The following ZFHX3 variants were observed in gnomAD, a reference collection of about 807,000 sequenced individuals.
The protein encoded by ZFHX3 is zinc finger homeobox protein 3.
ZFHX3 carries 42 observed loss-of-function variants against 279.1 expected under a neutral mutation model. That is an observed-to-expected ratio of 0.15 (90% confidence interval 0.12 to 0.19). ZFHX3 has a LOEUF of 0.19. Among genes scored for constraint, ZFHX3 ranks in the 10% least tolerant of loss-of-function variants. ZFHX3 has a pLI of 1.00. For synonymous variants in ZFHX3, 2,293 were observed against 1,957.8 expected (o/e 1.17, Z -4.52); for missense variants, 4,981 against 4,754.0 (o/e 1.05, Z -1.40).
intron 4 of ZFHX3, among the ~76,000 whole-genome samples, chr16:72,861,281 C>T (rs2037882521): frequency 6.6e-6 from 1 of 152,220 alleles, no homozygotes; most frequent in South Asian, 2.1e-4. Context: ...GGTATGAGAT[C>T]TTCCCACTAA....
chr16:73,221,497 T>C (rs1414196363), intron 5 of ZFHX3, among the ~76,000 whole-genome samples: 1 of 152,144 alleles, frequency 6.6e-6, no homozygotes, highest in African/African-American at 2.4e-5. Context: ...ACATATCACA[T>C]TGGGTACAGT....
intron 1 of ZFHX3, among the ~76,000 whole-genome samples, chr16:73,709,111 T>G (rs560803352): frequency 6.6e-6 from 1 of 152,278 alleles, no homozygotes; most frequent in South Asian, 2.1e-4. Flanking sequence ...GCAGCATTAT[T>G]CACAATGGCC....
intron 1 of ZFHX3, among the ~76,000 whole-genome samples, chr16:73,682,924 G>GAAAA (rs766109523): frequency 2.3e-5 from 1 of 43,474 alleles, no homozygotes; most frequent in African/African-American, 7.6e-5. Context: ...AAGAGAGAAA[G>GAAAA]AGAAAGAAAG....
chr16:73,849,937 T>C (rs1329245926), intron 1 of ZFHX3, among the ~76,000 whole-genome samples: 1 of 152,182 alleles, frequency 6.6e-6, no homozygotes, highest in Admixed American at 6.5e-5. Context: ...TTCACCATGT[T>C]GGTCAGGCTC....
intron 2 of ZFHX3, among the ~76,000 whole-genome samples, chr16:73,664,026 A>T (rs1422609739): frequency 6.6e-6 from 1 of 152,214 alleles, no homozygotes; most frequent in Admixed American, 6.5e-5. Context: ...CTCTAGATAG[A>T]CAAATTGTTT....
chr16:72,858,170 A>C (rs1374774585), intron 4 of ZFHX3, among the ~76,000 whole-genome samples: 1 of 152,210 alleles, frequency 6.6e-6, no homozygotes, highest in Non-Finnish European at 1.5e-5. Flanking sequence ...AACACCTCTC[A>C]CCACAAGCAG....
chr16:73,670,516 T>A (rs552114228), intron 2 of ZFHX3, among the ~76,000 whole-genome samples: 14 of 152,346 alleles, frequency 9.2e-5, no homozygotes, highest in African/African-American at 3.4e-4. Flanking sequence ...TTAATCTTTT[T>A]GTCTTTAGCG....
intron 5 of ZFHX3, among the ~76,000 whole-genome samples, chr16:73,244,640 C>T (rs1357209577): frequency 6.6e-6 from 1 of 152,196 alleles, no homozygotes; most frequent in Non-Finnish European, 1.5e-5. Flanking sequence ...GCCATACCAG[C>T]CCCATGTCCA....
At chr16:73,540,311 T>C (rs1437374335) in intron 2 of ZFHX3, among the ~76,000 whole-genome samples, 1 of 152,228 alleles carries the variant, frequency 6.6e-6, no homozygotes, top group Non-Finnish European at 1.5e-5. Context: ...GTGAAACTCT[T>C]TTTTTGTTTT....
At position 72,832,497 on chromosome 16, in the gene ZFHX3, A is replaced by T. The variant is rs144990303; in HGVS notation, c.3449-2638T>A. On this transcript the variant is annotated intron_variant, in intron 4 of 9. Transcript: ENST00000268489. ...ACTTATTTTGCTTATCTCTTTTTTT[A>T]AAAAGATTTACAAATCAAGTCCTCT... is the stretch of plus-strand genomic sequence containing the variant. 6.7e-3 allele frequency among the ~76,000 whole-genome samples: 1,026 copies of T among 152,254 alleles called. 17 individuals carry two copies. The highest frequency in any genetic ancestry group is 0.017 in the African/African-American group (692 of 41,560).
At chr16:72,900,490 A>G (rs953140372) in intron 3 of ZFHX3, among the ~76,000 whole-genome samples, 2 of 152,244 alleles carry the variant, frequency 1.3e-5, no homozygotes, top group African/African-American at 4.8e-5. Flanking sequence ...AAACTTCCAC[A>G]TATGTGAAAA....
At chr16:73,444,308 A>G (rs2018144820) in intron 3 of ZFHX3, among the ~76,000 whole-genome samples, 1 of 152,232 alleles carries the variant, frequency 6.6e-6, no homozygotes, top group South Asian at 2.1e-4. Flanking sequence ...CTTTTAAAAT[A>G]GAATATTCCG....
chr16:72,995,801 T>C (rs569135286), intron 1 of ZFHX3, among the ~76,000 whole-genome samples: 2 of 152,308 alleles, frequency 1.3e-5, no homozygotes, highest in East Asian at 3.9e-4. Flanking sequence ...CCTGGCCAAA[T>C]GACTTCTAAG....
intron 2 of ZFHX3, among the ~76,000 whole-genome samples, chr16:73,621,888 G>C (rs1225940961): frequency 2.0e-5 from 3 of 152,140 alleles, no homozygotes; most frequent in African/African-American, 7.2e-5. Context: ...CACAAGACAG[G>C]AGGATATGAA....
intron 1 of ZFHX3, among the ~76,000 whole-genome samples, chr16:73,782,114 G>C (rs1959491869): frequency 6.6e-6 from 1 of 152,190 alleles, no homozygotes; most frequent in Non-Finnish European, 1.5e-5. Context: ...GACTCTCTTT[G>C]GTCAGGAATG....
chr16:73,503,458 T>C (rs998718592), intron 2 of ZFHX3, among the ~76,000 whole-genome samples: 4 of 151,910 alleles, frequency 2.6e-5, no homozygotes, highest in Admixed American at 1.3e-4. Context: ...GCAAAAGGAG[T>C]TGACCGCACG....
At chr16:73,727,201 A>G (rs1597084403) in intron 1 of ZFHX3, among the ~76,000 whole-genome samples, 1 of 152,212 alleles carries the variant, frequency 6.6e-6, no homozygotes, top group Admixed American at 6.5e-5. Context: ...AGCCAGATAC[A>G]GGTGAATCCT....
chr16:73,890,237 AACC>A (rs1389069145), intron 1 of ZFHX3, among the ~76,000 whole-genome samples: 9 of 114,616 alleles, frequency 7.9e-5, no homozygotes, highest in South Asian at 2.4e-4. Context: ...GTAAAAAAAA[AACC>A]AAAAAAAAAA....
intron 3 of ZFHX3, among the ~76,000 whole-genome samples, chr16:73,353,722 G>A (rs188363616): frequency 3.9e-5 from 6 of 152,098 alleles, no homozygotes; most frequent in South Asian, 4.2e-4. Context: ...CCCAGTGTGC[G>A]GTGAAAAATG....
Sources: allele counts gnomAD v4.1 joint callset (sites outside exome capture counted in the v4.1 genomes callset), GRCh38; gene constraint gnomAD v4.1.1; transcripts MANE v1.5; gene names NCBI Gene and HGNC (gene_info 2026-07-23, HGNC 2026-07-21).